Variants in FBXL2 observed in about 807,000 individuals in gnomAD.
FBXL2 encodes F-box/LRR-repeat protein 2.
In FBXL2, 38 loss-of-function variants were observed where a neutral mutation model predicts 69.2. The ratio of observed to expected loss-of-function variants is 0.55; its 90% CI spans 0.42 to 0.72. FBXL2 has a LOEUF of 0.72. Ranked by LOEUF, FBXL2 falls within the 30% of genes least tolerant of loss-of-function variation. The pLI, the probability that FBXL2 is intolerant of heterozygous loss-of-function variation, is 0.00. For missense variants in FBXL2, 354 were observed against 520.3 expected (o/e 0.68, Z 3.11); for synonymous variants, 192 against 201.3 (o/e 0.95, Z 0.39).
intron 2 of FBXL2, among the ~76,000 whole-genome samples, chr3:33,300,983 G>A (rs938301937): frequency 6.6e-6 from 1 of 152,030 alleles, no homozygotes; most frequent in Non-Finnish European, 1.5e-5. Flanking sequence ...GATTACAGGT[G>A]TAAGCCACTG....
At chr3:33,415,752 A>G in the FBXL2 span, among the ~76,000 whole-genome samples, 1 of 151,726 alleles carries the variant, frequency 6.6e-6, no homozygotes, top group Non-Finnish European at 1.5e-5. Flanking sequence ...TGATACATTA[A>G]CAAAAAAAAA....
chr3:33,284,543 C>G (rs1257863723), intron 1 of FBXL2, among the ~76,000 whole-genome samples: 2 of 152,156 alleles, frequency 1.3e-5, no homozygotes. Flanking sequence ...GTGGAGAGTT[C>G]TGTAGATGTC....
chr3:33,402,999 T>TAA (rs1484558516), intron 12 of FBXL2: 2 of 1,096,360 alleles, frequency 1.8e-6, no homozygotes, highest in Admixed American at 2.1e-5. Context: ...TGCAAGATTA[T>TAA]AAAATGCGAG....
chr3:33,382,235 G>C (rs1209918263), intron 13 of FBXL2, among the ~76,000 whole-genome samples: 1 of 152,168 alleles, frequency 6.6e-6, no homozygotes, highest in Non-Finnish European at 1.5e-5. Context: ...AAATTTGGCA[G>C]AGTGGTTTTT....
intron 2 of FBXL2, among the ~76,000 whole-genome samples, chr3:33,302,715 T>C (rs2036395249): frequency 6.6e-6 from 1 of 152,190 alleles, no homozygotes; most frequent in Admixed American, 6.5e-5. Context: ...TAAATTTGTG[T>C]GGATACATGA....
In FBXL2 at chr3:33,362,981, T is replaced by C. The variant is rs190556938; in HGVS notation, c.196-1644T>C. 7.9e-4 allele frequency among the ~76,000 whole-genome samples: 120 copies of C among 152,308 alleles called. 1 individual carries two copies. The highest frequency in any genetic ancestry group is 2.8e-3 in the African/African-American group (117 of 41,566). On this transcript the variant is annotated intron_variant, in intron 4 of 14. Coordinates refer to ENST00000484457, the MANE Select transcript of FBXL2 (RefSeq NM_012157.5). ...AAATAAATGCTAGCAGTATCAAAGA[T>C]TGGATTTTCAACATAATTAAGATGT...
At chr3:33,323,374 A>C (rs1286827833) in intron 2 of FBXL2, among the ~76,000 whole-genome samples, 2 of 152,262 alleles carry the variant, frequency 1.3e-5, no homozygotes, top group East Asian at 3.9e-4. Flanking sequence ...GGTTTGTTAC[A>C]TAGGTATACA....
At chr3:33,373,770 G>T (rs141648354) in intron 8 of FBXL2, 66 bp downstream of exon 8, 1 of 1,613,880 alleles carries the variant, frequency 6.2e-7, no homozygotes, top group East Asian at 2.2e-5. Context: ...CCAGAAAGCT[G>T]CTTTTGCATT....
chr3:33,288,456 G>T (rs1380686067), intron 1 of FBXL2, among the ~76,000 whole-genome samples: 9 of 152,182 alleles, frequency 5.9e-5, no homozygotes, highest in Middle Eastern at 3.2e-3. Flanking sequence ...CTGGGTAGGA[G>T]AGAAAGAATT....
intron 2 of FBXL2, among the ~76,000 whole-genome samples, chr3:33,311,616 G>A (rs2037201643): frequency 6.6e-6 from 1 of 151,694 alleles, no homozygotes; most frequent in Non-Finnish European, 1.5e-5. Context: ...TCTTAGCTAC[G>A]GAATTTGTTT....
At chr3:33,408,851 T>C in the FBXL2 span, 2 of 1,416,848 alleles carry the variant, frequency 1.4e-6, no homozygotes, top group African/African-American at 2.8e-5. Context: ...CAAAGAAAGA[T>C]CTAACACCCT....
chr3:33,402,510 G>A (rs1471393009), intron 12 of FBXL2, among the ~76,000 whole-genome samples: 1 of 152,156 alleles, frequency 6.6e-6, no homozygotes, highest in Admixed American at 6.5e-5. Context: ...CACTGTTAAT[G>A]TTGTCTTTAA....
intron 6 of FBXL2, 23 bp from the exon 7 acceptor site, chr3:33,373,237 T>C: frequency 1.9e-6 from 3 of 1,613,466 alleles, no homozygotes; most frequent in Admixed American, 1.7e-5. Context: ...GAAAATATCT[T>C]TAGTGCGTCT....
chr3:33,313,843 T>C (rs1023631560), intron 2 of FBXL2, among the ~76,000 whole-genome samples: 1 of 152,200 alleles, frequency 6.6e-6, no homozygotes, highest in Non-Finnish European at 1.5e-5. Context: ...AGAAGATATC[T>C]CAGGTGTTAA....
intron 1 of FBXL2, among the ~76,000 whole-genome samples, chr3:33,289,216 T>C (rs1025246265): frequency 6.6e-6 from 1 of 152,322 alleles, no homozygotes; most frequent in African/African-American, 2.4e-5. Context: ...TACTACCTGT[T>C]GTGCAGCATA....
downstream of FBXL2, among the ~76,000 whole-genome samples, chr3:33,404,603 C>T (rs566256748): frequency 2.0e-5 from 3 of 151,944 alleles, no homozygotes; most frequent in Non-Finnish European, 4.4e-5. Flanking sequence ...GCCATGACTA[C>T]ACCACTGCAC....
intron 2 of FBXL2, among the ~76,000 whole-genome samples, chr3:33,337,625 C>T (rs1040803236): frequency 1.3e-5 from 2 of 151,986 alleles, no homozygotes; most frequent in Non-Finnish European, 2.9e-5. Flanking sequence ...AGCAATCAGG[C>T]AAAAGAAAGA....
intron 8 of FBXL2, 56 bp from the exon 9 acceptor site, chr3:33,373,791 T>C: frequency 6.8e-6 from 11 of 1,613,658 alleles, no homozygotes; most frequent in Non-Finnish European, 9.3e-6. Context: ...TTTCTTGGTG[T>C]CCCACTGTTC....
rs1051425692 is a variant in FBXL2, at chr3:33,373,331, C to G, written c.431C>G (p.Thr144Arg). Reference protein sequence around the residue: ...HLDLTSCVSITNSSLKGISEG... With the variant: ...HLDLTSCVSIRNSSLKGISEG... ...GATCTGACCTCCTGTGTGTCTATTA[C>G]AAACAGCTCCTTGAAGGGGATCAGG... The change falls in exon 7 of 15, where the codon ACA becomes AGA. Residue 144 changes from threonine (T) to arginine (R), a missense_variant. Transcript: ENST00000484457. 6.2e-7 allele frequency: 1 copy of G among 1,613,370 alleles called. No individual in the cohort carries two copies.
Sources: allele counts gnomAD v4.1 joint callset (sites outside exome capture counted in the v4.1 genomes callset), GRCh38; gene constraint gnomAD v4.1.1; transcripts MANE v1.5; gene names NCBI Gene and HGNC (gene_info 2026-07-23, HGNC 2026-07-21).